Variants in CSMD2 observed in about 807,000 individuals in gnomAD.
CSMD2 encodes CUB and Sushi multiple domains 2.
In CSMD2, 130 loss-of-function variants were observed where a neutral mutation model predicts 398.5. The observed-to-expected ratio is 0.33, with a 90% CI of 0.28 to 0.38. The LOEUF is 0.38. Among genes scored for constraint, CSMD2 ranks in the 10% least tolerant of loss-of-function variants. The pLI is 1.00. For synonymous variants in CSMD2, 1,828 were observed against 1,908.5 expected (o/e 0.96, Z 1.10); for missense variants, 3,829 against 4,764.9 (o/e 0.80, Z 5.78).
chr1:33,975,072 G>A (rs79638756), intron 3 of CSMD2, among the ~76,000 whole-genome samples: 1,525 of 152,302 alleles, frequency 0.01, 24 homozygotes, highest in African/African-American at 0.035. Flanking sequence ...GCCCCTGGCT[G>A]GGCAAGCTCC....
chr1:34,043,504 T>C (rs960969437), intron 2 of CSMD2, among the ~76,000 whole-genome samples: 2 of 152,256 alleles, frequency 1.3e-5, no homozygotes, highest in Non-Finnish European at 2.9e-5. Flanking sequence ...TATATATCTG[T>C]CTTTCCTTCT....
chr1:34,161,781 G>T (rs2148586334), intron 1 of CSMD2, among the ~76,000 whole-genome samples: 1 of 152,200 alleles, frequency 6.6e-6, no homozygotes, highest in Admixed American at 6.5e-5. Context: ...AAAGAGATGG[G>T]GCAGTGGCTT....
chr1:34,159,970 G>A (rs780830255), intron 1 of CSMD2, among the ~76,000 whole-genome samples: 17 of 152,192 alleles, frequency 1.1e-4, no homozygotes, highest in Non-Finnish European at 2.4e-4. Flanking sequence ...TTACAGCAGG[G>A]AGACTGAGCC....
At chr1:33,586,967 G>A (rs942475907) in intron 45 of CSMD2, 121 bp downstream of exon 45, 1 of 723,632 alleles carries the variant, frequency 1.4e-6, no homozygotes, top group African/African-American at 1.8e-5. Context: ...AGGGCCTACT[G>A]TTTCTCTCTC....
chr1:34,119,821 G>T (rs1312999734), intron 1 of CSMD2, among the ~76,000 whole-genome samples: 1 of 152,186 alleles, frequency 6.6e-6, no homozygotes, highest in Non-Finnish European at 1.5e-5. Flanking sequence ...TTGTTGGTGG[G>T]AGTGTAAAAT....
chr1:34,048,037 A>ACTTT (rs1331860509), intron 2 of CSMD2, among the ~76,000 whole-genome samples: 4 of 152,190 alleles, frequency 2.6e-5, no homozygotes, highest in Admixed American at 2.6e-4. Flanking sequence ...CCCTGAGCCA[A>ACTTT]CTTGGTCTTC....
intron 1 of CSMD2, among the ~76,000 whole-genome samples, chr1:34,130,492 G>A (rs955093255): frequency 2.6e-5 from 4 of 151,772 alleles, no homozygotes; most frequent in African/African-American, 4.8e-5. Flanking sequence ...GAGGGGAAGC[G>A]TGGGTAGACT....
chr1:33,870,295 C>T (rs1050608865), intron 5 of CSMD2: 1 of 152,126 alleles, frequency 6.6e-6, no homozygotes, highest in African/African-American at 2.4e-5. Context: ...ATAAGCAGTG[C>T]CCTAGGAATG....
At position 33,533,996 on chromosome 1, in the gene CSMD2, C is replaced by T; in HGVS notation, c.9880-89G>A. The T allele has an allele frequency of 1.3e-6, 1 of 741,974 alleles. No homozygotes were observed. The highest frequency in any genetic ancestry group is 2.7e-5 in the East Asian group (1 of 37,724). 46.0% of individuals were successfully genotyped at this position (741,974 alleles called of 1,614,324 possible). The stretch of plus-strand genomic sequence containing the variant: ...TTGACCACTTTCACATGGCCCAACT[C>T]CTCCCGCACTGTTGCCTGCAAAACT... On this transcript the variant is annotated intron_variant, in intron 62 of 70. Coordinates refer to ENST00000373381, the MANE Select transcript of CSMD2 (RefSeq NM_001281956.2). This position sits in a 1 kb window ranked among gnomAD's most constrained non-coding sequence, Gnocchi z 4.2.
chr1:33,788,780 C>A, intron 11 of CSMD2, 68 bp from the exon 12 acceptor site: 2 of 1,049,666 alleles, frequency 1.9e-6, no homozygotes, highest in South Asian at 1.3e-5. Flanking sequence ...ATTGCCTGAC[C>A]GATGACATTT....
chr1:33,762,080 A>G (rs1384644273), intron 13 of CSMD2, among the ~76,000 whole-genome samples: 1 of 152,254 alleles, frequency 6.6e-6, no homozygotes, highest in African/African-American at 2.4e-5. Flanking sequence ...TAGAAAAGGT[A>G]TGTAGTGCCT....
chr1:33,609,702 T>C (rs910212915), intron 41 of CSMD2, among the ~76,000 whole-genome samples: 4 of 152,220 alleles, frequency 2.6e-5, no homozygotes, highest in Non-Finnish European at 4.4e-5. Flanking sequence ...TGGAAAACTA[T>C]AGTACGATCC....
chr1:33,661,658 A>G (rs1358069040), intron 26 of CSMD2, among the ~76,000 whole-genome samples: 1 of 152,226 alleles, frequency 6.6e-6, no homozygotes, highest in African/African-American at 2.4e-5. Flanking sequence ...AGCATGCATG[A>G]GTGTTAAATG....
chr1:33,730,908 G>A (rs916410981), intron 15 of CSMD2, among the ~76,000 whole-genome samples: 2 of 152,120 alleles, frequency 1.3e-5, no homozygotes, highest in Admixed American at 1.3e-4. Context: ...AAACAGGAAC[G>A]AAGTCAATAA....
chr1:34,001,196 G>A (rs529455640), intron 3 of CSMD2, among the ~76,000 whole-genome samples: 4 of 152,160 alleles, frequency 2.6e-5, no homozygotes, highest in Non-Finnish European at 5.9e-5. Context: ...TGATTATATG[G>A]AAGATCACAG....
intron 3 of CSMD2, among the ~76,000 whole-genome samples, chr1:34,017,781 C>T (rs1486558279): frequency 6.6e-6 from 1 of 152,140 alleles, no homozygotes; most frequent in Non-Finnish European, 1.5e-5. Flanking sequence ...TGCTACTGAT[C>T]AATGCTTTAT....
At chr1:33,872,209 A>C (rs1360548890) in intron 5 of CSMD2, among the ~76,000 whole-genome samples, 1 of 152,182 alleles carries the variant, frequency 6.6e-6, no homozygotes, top group African/African-American at 2.4e-5. Flanking sequence ...CTAGCTATGG[A>C]GATGTCCAAG....
At chr1:33,940,737 A>AAG (rs1220119462) in intron 3 of CSMD2, among the ~76,000 whole-genome samples, 1 of 152,200 alleles carries the variant, frequency 6.6e-6, no homozygotes, top group Non-Finnish European at 1.5e-5. Context: ...CTTAATAAAC[A>AAG]AGAGTTCCCT....
At chr1:33,615,657 C>G (rs909616347) in intron 39 of CSMD2, among the ~76,000 whole-genome samples, 10 of 152,232 alleles carry the variant, frequency 6.6e-5, no homozygotes, top group Non-Finnish European at 1.2e-4. Flanking sequence ...TGGGACAAGG[C>G]TGGCACATGT....
Sources: allele counts gnomAD v4.1 joint callset (sites outside exome capture counted in the v4.1 genomes callset), GRCh38; gene constraint gnomAD v4.1.1; non-coding constraint Gnocchi (gnomAD v3.1); transcripts MANE v1.5; gene names NCBI Gene and HGNC (gene_info 2026-07-23, HGNC 2026-07-21).